The following VSTM5 variants were observed in gnomAD, a reference collection of about 807,000 sequenced individuals.
VSTM5 encodes V-set and transmembrane domain-containing protein 5.
In VSTM5, 21 loss-of-function variants were observed where a neutral mutation model predicts 20.3. That is an observed-to-expected ratio of 1.03 (90% CI 0.73 to 1.49). The LOEUF is 1.49. Ranked by LOEUF, VSTM5 falls within the 40% of genes most tolerant of loss-of-function variation. The probability of loss-of-function intolerance (pLI) is 0.00; values close to 1 mark genes in which losing one functional copy is unlikely to be tolerated. For missense variants in VSTM5, 219 were observed against 250.0 expected, an observed-to-expected ratio of 0.88 and a Z score of 0.84; for synonymous variants, 100 against 102.5, an observed-to-expected ratio of 0.98 and a Z score of 0.14.
At chr11:93,834,613 G>A (rs1441491437) in intron 1 of VSTM5, among the ~76,000 whole-genome samples, 3 of 151,012 alleles carry the variant, frequency 2.0e-5, no homozygotes, top group Non-Finnish European at 3.0e-5. Context: ...TAAAGTCCGG[G>A]TCTACAAAAA....
intron 1 of VSTM5, among the ~76,000 whole-genome samples, chr11:93,835,936 T>G (rs1282266194): frequency 6.6e-6 from 1 of 151,926 alleles, no homozygotes; most frequent in Non-Finnish European, 1.5e-5. Flanking sequence ...TATTCAAACA[T>G]AAGCAAAAAC....
chr11:93,831,585 A>G (rs569869042), intron 1 of VSTM5, among the ~76,000 whole-genome samples: 3 of 152,164 alleles, frequency 2.0e-5, no homozygotes, highest in Non-Finnish European at 4.4e-5. Flanking sequence ...CTCATCTTGG[A>G]GAGGGCTCAC....
At chr11:93,822,601 G>A (rs1944197518) in intron 1 of VSTM5, among the ~76,000 whole-genome samples, 2 of 152,018 alleles carry the variant, frequency 1.3e-5, no homozygotes, top group South Asian at 4.2e-4. Context: ...TTGTGTCTCA[G>A]CTATCTGAGC....
chr11:93,821,224 G>C lies in VSTM5; in HGVS notation c.191C>G (p.Thr64Ser), dbSNP rs1944183075. 6.4e-7 allele frequency: 1 copy of C among 1,552,002 alleles called. No homozygotes were observed. Among genetic ancestry groups the C allele is most frequent in the African/African-American group, 1.4e-5 (1 of 73,156 alleles). Residue 64 changes from threonine to serine, a missense_variant, in exon 2 of 4, where the codon ACC becomes AGC. Transcript: ENST00000409977. ...ATTGGATGAATATGTCCATTCGATG[G>C]TGGGCACTCCATGACAGGAGTACTC... The part of the protein sequence containing the change: ...SVEYSCHGVP[T>S]IEWTYSSNWG...
intron 1 of VSTM5, among the ~76,000 whole-genome samples, chr11:93,826,561 C>A (rs940327336): frequency 1.3e-5 from 2 of 151,946 alleles, no homozygotes; most frequent in Non-Finnish European, 2.9e-5. Flanking sequence ...TAACACCTGG[C>A]TAATTTTTTT....
chr11:93,834,850 T>C (rs1449392333), intron 1 of VSTM5, among the ~76,000 whole-genome samples: 1 of 148,916 alleles, frequency 6.7e-6, no homozygotes, highest in African/African-American at 2.5e-5. Flanking sequence ...AGTGTAATAG[T>C]ATAAAGAGGT....
At chr11:93,820,694 C>A (rs1188765642) in intron 3 of VSTM5, 49 bp downstream of exon 3, 8 of 1,551,554 alleles carry the variant, frequency 5.2e-6, no homozygotes, top group Non-Finnish European at 6.1e-6. Context: ...CACATGCCAC[C>A]TCTGGCCTCA....
intron 1 of VSTM5, among the ~76,000 whole-genome samples, chr11:93,844,421 C>T (rs565916651): frequency 1.3e-5 from 2 of 152,262 alleles, no homozygotes; most frequent in East Asian, 1.9e-4. Flanking sequence ...TCGCCCTTCT[C>T]CTCTGGCACT....
At position 93,844,916 on chromosome 11, in the gene VSTM5, C is replaced by T. The variant is rs1464037234; in HGVS notation, c.91+5496G>A. On this transcript the variant is annotated intron_variant, in intron 1 of 3. Transcript: ENST00000409977. ...CCATTTATTGAGCCAAACCAGACTT[C>T]CCAGCAAAGCAGCCTTGTCTTCTGC... Among the ~76,000 whole-genome samples, 3 of 132,118 alleles carry T rather than the reference C, an allele frequency of 2.3e-5. 1 individual carries two copies. Among genetic ancestry groups the T allele is most frequent in the African/African-American group, 8.2e-5 (3 of 36,570 alleles). The allele number at this position is 132,118 out of a possible 152,430, so 86.7% of individuals were successfully genotyped here. A position where few individuals can be genotyped will look rare whatever the true frequency, so the allele number is the denominator to read the frequency against.
At position 93,850,577 on chromosome 11, in the gene VSTM5, C is replaced by G; in HGVS notation, c.-75G>C. ...CTGCAGCTCCTATGCAGCCTTCTCTCTTCCTCCGCCTCTGGCTGCCGCAGG... is the reference window on the plus strand; with the variant it reads ...CTGCAGCTCCTATGCAGCCTTCTCTGTTCCTCCGCCTCTGGCTGCCGCAGG... On this transcript the variant is annotated 5_prime_UTR_variant, in exon 1 of 4. Transcript: ENST00000409977. The G allele has an allele frequency of 9.5e-7, 1 of 1,049,254 alleles. No individual in the cohort carries two copies. Among genetic ancestry groups the G allele is most frequent in the African/African-American group, 1.7e-5 (1 of 59,832 alleles). 65.0% of individuals were successfully genotyped at this position (1,049,254 alleles called of 1,614,324 possible).
chr11:93,839,903 C>T (rs1219857299), intron 1 of VSTM5, among the ~76,000 whole-genome samples: 1 of 152,136 alleles, frequency 6.6e-6, no homozygotes, highest in African/African-American at 2.4e-5. Flanking sequence ...TAATATGACC[C>T]TTCTAAAAAG....
intron 3 of VSTM5, 53 bp from the exon 4 acceptor site, chr11:93,820,665 C>A: frequency 6.4e-7 from 1 of 1,551,600 alleles, no homozygotes; most frequent in Admixed American, 2.0e-5. Context: ...ATAGTGCTTT[C>A]TTCGTGAGAA....
chr11:93,821,348 G>A, intron 1 of VSTM5, 25 bp from the exon 2 acceptor site: 2 of 1,535,356 alleles, frequency 1.3e-6, no homozygotes, highest in South Asian at 1.2e-5. Context: ...GCTGGATGTT[G>A]GGCACATATA....
intron 1 of VSTM5, among the ~76,000 whole-genome samples, chr11:93,836,841 C>T (rs558749039): frequency 1.6e-4 from 24 of 152,084 alleles, no homozygotes; most frequent in African/African-American, 3.1e-4. Context: ...TGAGAATTTA[C>T]GCTCAGTGAC....
intron 1 of VSTM5, among the ~76,000 whole-genome samples, chr11:93,823,994 G>A (rs562942621): frequency 6.6e-6 from 1 of 151,324 alleles, no homozygotes; most frequent in Non-Finnish European, 1.5e-5. Flanking sequence ...TGCAACCTCT[G>A]CCTCCCAGGT....
At chr11:93,849,619 C>T (rs1309216508) in intron 1 of VSTM5, among the ~76,000 whole-genome samples, 1 of 152,212 alleles carries the variant, frequency 6.6e-6, no homozygotes, top group Non-Finnish European at 1.5e-5. Flanking sequence ...GGCCTCTCAC[C>T]TCCAGCGGCC....
At chr11:93,829,434 A>T (rs551499351) in intron 1 of VSTM5, among the ~76,000 whole-genome samples, 2 of 152,208 alleles carry the variant, frequency 1.3e-5, no homozygotes, top group African/African-American at 2.4e-5. Flanking sequence ...AGGCTGAGGC[A>T]CGAGAATCGC....
In VSTM5 at chr11:93,821,138, G is replaced by T. The variant is rs752648161; in HGVS notation, c.277C>A (p.His93Asn). The T allele has an allele frequency of 6.4e-7, 1 of 1,552,154 alleles. No homozygotes were observed. Residue 93 changes from histidine to asparagine, a missense_variant, in exon 2 of 4, where the codon CAC (histidine) becomes AAC (asparagine). Physicochemically the swap from His to Asn is moderately conservative, Grantham distance 68. Coordinates refer to ENST00000409977, the MANE Select transcript of VSTM5 (RefSeq NM_001144871.2). ...PGTQANISQS[H>N]KDRVCTFDNG... The stretch of plus-strand genomic sequence containing the variant: ...TCAAAGGTGCAGACTCTGTCCTTGT[G>T]GCTTTGAGAGATGTTGGCCTGAGTC...
At chr11:93,850,317 G>A (rs998062457) in intron 1 of VSTM5, 95 bp downstream of exon 1, 7 of 1,096,996 alleles carry the variant, frequency 6.4e-6, no homozygotes, top group Non-Finnish European at 9.0e-6. Flanking sequence ...AGGTGGGCGA[G>A]GGCCAGGGGG....
Sources: gnomAD v4.1 joint callset for allele counts (sites outside exome capture counted in the v4.1 genomes callset) on GRCh38, gnomAD v4.1.1 for gene constraint, MANE v1.5 for transcripts, NCBI Gene and HGNC (gene_info 2026-07-23, HGNC 2026-07-21) for gene names.